SLC24A2: variants seen among roughly 807,000 people sequenced by gnomAD.
The protein encoded by SLC24A2 is sodium/potassium/calcium exchanger 2.
In SLC24A2, 36 loss-of-function variants were observed where a neutral mutation model predicts 62.0. The ratio of observed to expected loss-of-function variants is 0.58; its 90% CI spans 0.44 to 0.77. The LOEUF is 0.77. Ranked by LOEUF, SLC24A2 falls within the 30% of genes least tolerant of loss-of-function variation. The pLI, the probability that SLC24A2 is intolerant of heterozygous loss-of-function variation, is 0.00. For synonymous variants in SLC24A2, 358 were observed against 294.0 expected (o/e 1.22, Z -2.23); for missense variants, 846 against 817.9 (o/e 1.03, Z -0.42).
At chr9:19,681,089 C>T (rs1421598380) in intron 2 of SLC24A2, among the ~76,000 whole-genome samples, 5 of 152,062 alleles carry the variant, frequency 3.3e-5, no homozygotes, top group Admixed American at 3.3e-4. Context: ...CAAATGGCCC[C>T]CTATCTCAGA....
chr9:20,272,705 G>A, the SLC24A2 span, among the ~76,000 whole-genome samples: 2 of 152,202 alleles, frequency 1.3e-5, no homozygotes, highest in Non-Finnish European at 2.9e-5. Flanking sequence ...AAGCATAGCA[G>A]CCTAAAATTA....
the SLC24A2 span, among the ~76,000 whole-genome samples, chr9:19,953,180 A>T: frequency 6.6e-6 from 1 of 151,956 alleles, no homozygotes; most frequent in Non-Finnish European, 1.5e-5. Context: ...GTATGACTAT[A>T]AGCGTAACGA....
the SLC24A2 span, among the ~76,000 whole-genome samples, chr9:20,265,186 A>C: frequency 2.6e-5 from 4 of 152,224 alleles, no homozygotes; most frequent in Non-Finnish European, 4.4e-5. Context: ...AAGGACGGAC[A>C]TCTATGGCTT....
the SLC24A2 span, among the ~76,000 whole-genome samples, chr9:20,232,830 T>C: frequency 3.3e-5 from 5 of 152,324 alleles, no homozygotes; most frequent in African/African-American, 1.2e-4. Context: ...GGTGTCAATT[T>C]TAGATCTTTC....
At chr9:19,648,937 G>A (rs1214238873) in intron 2 of SLC24A2, among the ~76,000 whole-genome samples, 5 of 147,310 alleles carry the variant, frequency 3.4e-5, no homozygotes, top group Admixed American at 1.4e-4. Flanking sequence ...AAACTGTCTT[G>A]GCCTAAAGAT....
the SLC24A2 span, among the ~76,000 whole-genome samples, chr9:20,170,439 A>G: frequency 6.6e-6 from 1 of 151,994 alleles, no homozygotes; most frequent in Non-Finnish European, 1.5e-5. Flanking sequence ...GGTCAGACGC[A>G]CAATCTGAGC....
chr9:19,787,078 G>C, intron 1 of SLC24A2, 59 bp from the exon 2 acceptor site: 1 of 1,275,600 alleles, frequency 7.8e-7, no homozygotes, highest in South Asian at 2.0e-5. Flanking sequence ...TTTTAATAAA[G>C]ATCTTTGCAG....
the SLC24A2 span, among the ~76,000 whole-genome samples, chr9:20,252,608 G>C: frequency 6.6e-6 from 1 of 152,216 alleles, no homozygotes; most frequent in African/African-American, 2.4e-5. Context: ...GCAAGGTGGA[G>C]TTGTCTTCAT....
chr9:19,985,876 T>A, the SLC24A2 span, among the ~76,000 whole-genome samples: 1 of 152,152 alleles, frequency 6.6e-6, no homozygotes, highest in Non-Finnish European at 1.5e-5. Flanking sequence ...AACAGATTGT[T>A]GAATTTAACA....
At chr9:20,299,333 T>C in the SLC24A2 span, among the ~76,000 whole-genome samples, 2 of 152,252 alleles carry the variant, frequency 1.3e-5, no homozygotes, top group East Asian at 3.9e-4. Flanking sequence ...TGAAGAAGGA[T>C]AGAGCTCTCG....
At chr9:20,219,361 G>A in the SLC24A2 span, among the ~76,000 whole-genome samples, 2 of 152,204 alleles carry the variant, frequency 1.3e-5, no homozygotes, top group African/African-American at 2.4e-5. Flanking sequence ...CAGTGCTGGA[G>A]TTGGACACTG....
the SLC24A2 span, among the ~76,000 whole-genome samples, chr9:20,153,896 A>T: frequency 6.6e-6 from 1 of 151,798 alleles, no homozygotes; most frequent in Non-Finnish European, 1.5e-5. Flanking sequence ...ATGTTTTAAT[A>T]AATATTTTTG....
the SLC24A2 span, among the ~76,000 whole-genome samples, chr9:20,263,878 A>G: frequency 8.4e-5 from 1 of 11,976 alleles, no homozygotes; most frequent in Non-Finnish European, 1.7e-4. Flanking sequence ...CCCCCCCATT[A>G]AGGCTCTAAC....
chr9:20,116,840 T>C, the SLC24A2 span, among the ~76,000 whole-genome samples: 1 of 152,052 alleles, frequency 6.6e-6, no homozygotes, highest in Non-Finnish European at 1.5e-5. Flanking sequence ...TTGAAGATAA[T>C]AGGTAACTTA....
At chr9:19,930,637 G>A in the SLC24A2 span, among the ~76,000 whole-genome samples, 1 of 152,198 alleles carries the variant, frequency 6.6e-6, no homozygotes, top group Non-Finnish European at 1.5e-5. Flanking sequence ...AGCAATGGAT[G>A]CTGTTGGGGA....
At chr9:20,011,550 C>T in the SLC24A2 span, among the ~76,000 whole-genome samples, 1 of 152,016 alleles carries the variant, frequency 6.6e-6, no homozygotes, top group Non-Finnish European at 1.5e-5. Flanking sequence ...ACAAATAAGG[C>T]CTACAGGAAT....
At chr9:19,742,123 T>C (rs892131907) in intron 2 of SLC24A2, among the ~76,000 whole-genome samples, 4 of 152,138 alleles carry the variant, frequency 2.6e-5, no homozygotes, top group Admixed American at 2.6e-4. Context: ...AAATTCTATC[T>C]CAGAAGCAAT....
the SLC24A2 span, among the ~76,000 whole-genome samples, chr9:20,124,125 G>T: frequency 2.0e-5 from 3 of 152,134 alleles, no homozygotes; most frequent in Non-Finnish European, 4.4e-5. Flanking sequence ...CCTGGCATAT[G>T]TAACTCCTTT....
chr9:19,889,446 C>T, the SLC24A2 span, among the ~76,000 whole-genome samples: 1 of 148,194 alleles, frequency 6.7e-6, no homozygotes, highest in Non-Finnish European at 1.5e-5. Flanking sequence ...AAAGGAAATA[C>T]AAATTTAATC....
Sources: gnomAD v4.1 joint callset for allele counts (sites outside exome capture counted in the v4.1 genomes callset) on GRCh38, gnomAD v4.1.1 for gene constraint, MANE v1.5 for transcripts, NCBI Gene and HGNC (gene_info 2026-07-23, HGNC 2026-07-21) for gene names.